The following LRRIQ1 variants were observed in gnomAD, a reference collection of about 807,000 sequenced individuals.
LRRIQ1 encodes the protein leucine rich repeats and IQ motif containing 1.
Under a neutral mutation model 211.9 loss-of-function variants are expected in LRRIQ1, and 210 were observed. The ratio of observed to expected loss-of-function variants is 0.99; its 90% CI spans 0.89 to 1.11. The LOEUF is 1.11. Among genes scored for constraint, LRRIQ1 ranks in the 50% most tolerant of loss-of-function variants. The pLI is 0.00. For synonymous variants in LRRIQ1, 699 were observed against 650.1 expected (o/e 1.08, Z -1.14); for missense variants, 2,136 against 1,939.5 (o/e 1.10, Z -1.90).
chr12:85,057,371 C>A (rs1881247549), intron 8 of LRRIQ1, among the ~76,000 whole-genome samples, 187 bp downstream of exon 8: 2 of 151,842 alleles, frequency 1.3e-5, no homozygotes, highest in African/African-American at 4.8e-5. Flanking sequence ...AGGCATCTTC[C>A]CTAAGTGACA....
intron 25 of LRRIQ1, 66 bp from the exon 26 acceptor site, chr12:85,232,630 C>T (rs1002575290): frequency 9.4e-6 from 12 of 1,275,038 alleles, no homozygotes; most frequent in Admixed American, 6.5e-5. Context: ...TTTAGTTGGA[C>T]GTTTCTTTTA....
chr12:85,271,345 A>G, the LRRIQ1 span, among the ~76,000 whole-genome samples: 1 of 150,578 alleles, frequency 6.6e-6, no homozygotes, highest in Non-Finnish European at 1.5e-5. Flanking sequence ...CTTTTACATG[A>G]AAAAAAAAAT....
chr12:85,061,384 T>C (rs1881781727), intron 8 of LRRIQ1, among the ~76,000 whole-genome samples: 1 of 151,762 alleles, frequency 6.6e-6, no homozygotes, highest in South Asian at 2.1e-4. Flanking sequence ...TGCTATACTA[T>C]AAAGATTTTT....
chr12:85,270,731 T>C, the LRRIQ1 span, among the ~76,000 whole-genome samples: 77 of 152,268 alleles, frequency 5.1e-4, 1 homozygote, highest in East Asian at 0.012. Flanking sequence ...CTGTTCTAAA[T>C]GCTTTAGATA....
intron 24 of LRRIQ1, among the ~76,000 whole-genome samples, chr12:85,208,899 A>G (rs1378619947): frequency 6.6e-6 from 1 of 152,176 alleles, no homozygotes; most frequent in Non-Finnish European, 1.5e-5. Context: ...TAGAGACTTA[A>G]GAAATTTTTT....
chr12:85,148,363 A>G (rs1890029001), intron 19 of LRRIQ1, among the ~76,000 whole-genome samples: 2 of 151,722 alleles, frequency 1.3e-5, no homozygotes, highest in African/African-American at 2.4e-5. Context: ...ATATGTTCTC[A>G]TTGTTCAACT....
chr12:85,064,561 G>A (rs1882220703), intron 8 of LRRIQ1, among the ~76,000 whole-genome samples: 1 of 151,722 alleles, frequency 6.6e-6, no homozygotes, highest in Non-Finnish European at 1.5e-5. Flanking sequence ...TTGGTTGCCT[G>A]TGTTTGTAGG....
In LRRIQ1 at chr12:85,153,778, C is replaced by T. The variant is rs1228140986; in HGVS notation, c.4637+20C>T. ...AGAATGGTATGTAGTCAATTTGACA[C>T]TAATAAATTAAAAAATTGAGAGATT... On this transcript the variant is annotated intron_variant, in intron 22 of 26. Coordinates refer to ENST00000393217, the MANE Select transcript of LRRIQ1 (RefSeq NM_001079910.2). The T allele has an allele frequency of 7.1e-7, 1 of 1,403,682 alleles. No homozygotes were observed. Among genetic ancestry groups the T allele is most frequent in the African/African-American group, 1.5e-5 (1 of 67,554 alleles). The allele number at this position is 1,403,682 out of a possible 1,614,324, so 87.0% of individuals were successfully genotyped here.
intron 19 of LRRIQ1, among the ~76,000 whole-genome samples, chr12:85,150,497 A>G (rs966660818): frequency 4.6e-5 from 7 of 151,820 alleles, no homozygotes; most frequent in African/African-American, 7.2e-5. Context: ...CTGATTGTAT[A>G]AATCAGTGGG....
chr12:85,227,702 C>T (rs1894731095), intron 24 of LRRIQ1, among the ~76,000 whole-genome samples: 1 of 152,090 alleles, frequency 6.6e-6, no homozygotes, highest in Admixed American at 6.5e-5. Context: ...AAAAAAGAGC[C>T]CGCATTGCCA....
intron 2 of LRRIQ1, among the ~76,000 whole-genome samples, chr12:85,040,080 A>G (rs1444998730): frequency 6.6e-6 from 1 of 151,602 alleles, no homozygotes; most frequent in African/African-American, 2.4e-5. Context: ...TGAATGTAAT[A>G]AATAATTATA....
intron 24 of LRRIQ1, chr12:85,162,811 G>A (rs1890957509): frequency 2.2e-6 from 1 of 455,432 alleles, no homozygotes; most frequent in African/African-American, 2.0e-5. Flanking sequence ...AAGTACATTT[G>A]GCATTTCATT....
chr12:85,137,981 C>G lies in LRRIQ1; in HGVS notation c.4329+12C>G. ...TTATATTTGATGAAGTAAGTACGAA[C>G]TATAGTATATAAATATTGGTCTTAA... On this transcript the variant is annotated intron_variant, in intron 19 of 26. Coordinates refer to ENST00000393217, the MANE Select transcript of LRRIQ1 (RefSeq NM_001079910.2). 1.5e-6 allele frequency: 2 copies of G among 1,304,140 alleles called. No individual in the cohort carries two copies. Among genetic ancestry groups the G allele is most frequent in the Non-Finnish European group, 2.2e-6 (2 of 928,968 alleles). The allele number at this position is 1,304,140 out of a possible 1,614,324, so 80.8% of individuals were successfully genotyped here. A position where few individuals can be genotyped will look rare whatever the true frequency, so the allele number is the denominator to read the frequency against.
intron 15 of LRRIQ1, among the ~76,000 whole-genome samples, chr12:85,114,084 TA>T (rs1887390306): frequency 6.6e-6 from 1 of 152,240 alleles, no homozygotes; most frequent in African/African-American, 2.4e-5. Context: ...ACACTGGGTT[TA>T]AAGTACTCCT....
intron 23 of LRRIQ1, among the ~76,000 whole-genome samples, chr12:85,156,374 C>T (rs1030500665): frequency 2.0e-5 from 3 of 151,638 alleles, no homozygotes; most frequent in Admixed American, 1.3e-4. Context: ...TGGTGAAAAG[C>T]ATGAAAAAGA....
chr12:85,049,523 T>TATC (rs1186747498), intron 6 of LRRIQ1, among the ~76,000 whole-genome samples: 2 of 152,166 alleles, frequency 1.3e-5, no homozygotes, highest in Admixed American at 6.5e-5. Context: ...GAAACACTCC[T>TATC]ATCATCTTCC....
Position 85,141,337 on chromosome 12 carries a change from A to T in LRRIQ1, c.4329+3368A>T, listed in dbSNP as rs369160277. Among the ~76,000 whole-genome samples, 11 of 151,276 alleles carry T rather than the reference A, an allele frequency of 7.3e-5. No homozygotes were observed. In the South Asian group the frequency reaches 2.1e-3, roughly 29 times the overall value. Reference sequence around the variant, plus strand: ...TTGCAGGAGGGGCATTCTATGAGGTATTGAGAGAGGAGTGCTAAAATCTCT... The same window carrying T: ...TTGCAGGAGGGGCATTCTATGAGGTTTTGAGAGAGGAGTGCTAAAATCTCT... On this transcript the variant is annotated intron_variant, in intron 19 of 26. Transcript: ENST00000393217.
At chr12:85,205,894 G>A (rs1893520445) in intron 24 of LRRIQ1, among the ~76,000 whole-genome samples, 1 of 152,182 alleles carries the variant, frequency 6.6e-6, no homozygotes. Flanking sequence ...TGATCCTGCT[G>A]TTAATACTTG....
At chr12:85,106,482 T>A in intron 14 of LRRIQ1, 40 bp from the exon 15 acceptor site, 2 of 1,365,550 alleles carry the variant, frequency 1.5e-6, no homozygotes, top group East Asian at 4.6e-5. Context: ...TTGTTCTAAA[T>A]CTGTGATGAT....
Sources: allele counts gnomAD v4.1 joint callset (sites outside exome capture counted in the v4.1 genomes callset), GRCh38; gene constraint gnomAD v4.1.1; transcripts MANE v1.5; gene names NCBI Gene and HGNC (gene_info 2026-07-23, HGNC 2026-07-21).